CDCA7L: variants seen among roughly 807,000 people sequenced by gnomAD.
The protein encoded by CDCA7L is cell division cycle-associated 7-like protein.
In CDCA7L, 44 loss-of-function variants were observed where a neutral mutation model predicts 57.4. The ratio of observed to expected loss-of-function variants is 0.77; its 90% CI spans 0.60 to 0.98. CDCA7L has a LOEUF of 0.98. Among genes scored for constraint, CDCA7L ranks in the 50% least tolerant of loss-of-function variants. CDCA7L has a pLI of 0.00. For missense variants in CDCA7L, 644 were observed against 580.6 expected (o/e 1.11, Z -1.12); for synonymous variants, 236 against 202.8 (o/e 1.16, Z -1.39).
At chr7:21,904,293 G>C (rs765621493) in intron 7 of CDCA7L, 34 bp from the exon 8 acceptor site, 5 of 1,545,978 alleles carry the variant, frequency 3.2e-6, no homozygotes, top group Non-Finnish European at 4.4e-6. Context: ...GGTGAACACA[G>C]GGATATGCTG....
At chr7:21,920,260 A>T (rs961777101) in intron 1 of CDCA7L, among the ~76,000 whole-genome samples, 2 of 152,224 alleles carry the variant, frequency 1.3e-5, no homozygotes, top group Admixed American at 1.3e-4. Flanking sequence ...CAGGTCCTCC[A>T]TCTCACACTT....
Position 21,902,059 on chromosome 7 carries a change from C to CTTTTTAATAACTGGCAGATAT in CDCA7L, c.*242_*262dup, listed in dbSNP as rs2128054763. The stretch of plus-strand genomic sequence containing the variant: ...TTAACCCCACCCCATTTAAACTGTG[C>CTTTTTAATAACTGGCAGATAT]TTTTTAATAACTGGCAGATATTTTT... On this transcript the variant is annotated 3_prime_UTR_variant, in exon 10 of 10. Coordinates refer to ENST00000406877, the MANE Select transcript of CDCA7L (RefSeq NM_018719.5). 2 of 482,522 alleles carry CTTTTTAATAACTGGCAGATAT rather than the reference C, an allele frequency of 4.1e-6. No individual in the cohort carries two copies. Among genetic ancestry groups the CTTTTTAATAACTGGCAGATAT allele is most frequent in the South Asian group, 3.0e-5 (1 of 33,580 alleles). The allele number at this position is 482,522 out of a possible 1,614,324, so 29.9% of individuals were successfully genotyped here.
Position 21,906,740 on chromosome 7 carries a change from C to A in CDCA7L, c.682-101G>T. 4 of 1,092,294 alleles carry A rather than the reference C, an allele frequency of 3.7e-6. No individual in the cohort carries two copies. The South Asian group carries it at 3.9e-5, about 11-fold the overall frequency. The allele number at this position is 1,092,294 out of a possible 1,614,324, so 67.7% of individuals were successfully genotyped here. ...TCTTCCATTTTGCCACCATAAGAAA[C>A]CTAACTTGAATAGTTTATATAACCC... On this transcript the variant is annotated intron_variant, in intron 4 of 9. Transcript: ENST00000406877.
chr7:21,902,064 T>TAATAACTGGCAGATATTTTTAACA lies in CDCA7L; in HGVS notation c.*234_*257dup. 1 of 490,616 alleles carries TAATAACTGGCAGATATTTTTAACA rather than the reference T, an allele frequency of 2.0e-6. No individual in the cohort carries two copies. The highest frequency in any genetic ancestry group is 3.7e-6 in the Non-Finnish European group (1 of 272,836). The allele number at this position is 490,616 out of a possible 1,614,324, so 30.4% of individuals were successfully genotyped here. The stretch of plus-strand genomic sequence containing the variant: ...CCCACCCCATTTAAACTGTGCTTTT[T>TAATAACTGGCAGATATTTTTAACA]AATAACTGGCAGATATTTTTAACAA... On this transcript the variant is annotated 3_prime_UTR_variant, in exon 10 of 10. Transcript: ENST00000406877.
chr7:21,902,617 C>G (rs906963023), intron 9 of CDCA7L: 1 of 542,870 alleles, frequency 1.8e-6, no homozygotes, highest in Non-Finnish European at 3.3e-6. Context: ...ACATTCTGTC[C>G]TCTTGCCCTG....
In CDCA7L at chr7:21,905,243, A is replaced by T. The variant is rs138542713; in HGVS notation, c.1047+263T>A. The stretch of plus-strand genomic sequence containing the variant: ...ATATGCTTAAACCATTAACAGTTAC[A>T]TATAAAAATCCCTTTTAAACTATAC... On this transcript the variant is annotated intron_variant, in intron 7 of 9. Coordinates refer to ENST00000406877, the MANE Select transcript of CDCA7L (RefSeq NM_018719.5). 5.1e-4 allele frequency among the ~76,000 whole-genome samples: 78 copies of T among 152,212 alleles called. 1 individual carries two copies. Among genetic ancestry groups the T allele is most frequent in the African/African-American group, 1.6e-3 (68 of 41,528 alleles).
chr7:21,918,244 G>C (rs1470761638), intron 1 of CDCA7L, among the ~76,000 whole-genome samples: 1 of 152,194 alleles, frequency 6.6e-6, no homozygotes, highest in Non-Finnish European at 1.5e-5. Flanking sequence ...TAGATGGGAA[G>C]ATATTGTAAT....
At chr7:21,915,757 G>A (rs1785465524) in intron 2 of CDCA7L, among the ~76,000 whole-genome samples, 1 of 152,050 alleles carries the variant, frequency 6.6e-6, no homozygotes, top group African/African-American at 2.4e-5. Context: ...GAACCCGGGA[G>A]GCAGAAGTTG....
chr7:21,936,439 C>T (rs1410810502), intron 1 of CDCA7L, among the ~76,000 whole-genome samples: 1 of 152,078 alleles, frequency 6.6e-6, no homozygotes, highest in African/African-American at 2.4e-5. Flanking sequence ...GCAGGTAAAA[C>T]AAATTCGGCA....
intron 1 of CDCA7L, among the ~76,000 whole-genome samples, chr7:21,931,958 A>G (rs1361146992): frequency 6.6e-6 from 1 of 152,260 alleles, no homozygotes; most frequent in Admixed American, 6.5e-5. Context: ...CAACTTCAGC[A>G]AAGTCTCTGG....
intron 1 of CDCA7L, among the ~76,000 whole-genome samples, chr7:21,937,182 T>C (rs1183869926): frequency 6.6e-6 from 1 of 152,152 alleles, no homozygotes; most frequent in Admixed American, 6.5e-5. Context: ...TGTTCATGGA[T>C]TGGAAGGCTT....
intron 1 of CDCA7L, among the ~76,000 whole-genome samples, 160 bp from the exon 2 acceptor site, chr7:21,917,054 C>T (rs192722116): frequency 7.3e-4 from 111 of 152,222 alleles, no homozygotes; most frequent in African/African-American, 2.6e-3. Context: ...CAGCTAAGAA[C>T]TCATGGCAAA....
rs1439090191 is a variant in CDCA7L at position 21,911,601 on chromosome 7, C to G, written c.303+16G>C. On this transcript the variant is annotated intron_variant, in intron 3 of 9. Coordinates refer to ENST00000406877, the MANE Select transcript of CDCA7L (RefSeq NM_018719.5). ...AAAACGTTACCACCCACATCCCTTC[C>G]TGTTGTAATTATTACCATTACTTCT... The G allele has an allele frequency of 5.6e-6, 9 of 1,604,088 alleles. No homozygotes were observed. The African/African-American group carries it at 1.2e-4, about 22-fold the overall frequency.
At chr7:21,945,555 G>A (rs1456400504) in intron 1 of CDCA7L, among the ~76,000 whole-genome samples, 1 of 152,040 alleles carries the variant, frequency 6.6e-6, no homozygotes, top group Non-Finnish European at 1.5e-5. Context: ...GCTGAGCGCG[G>A]TTGTGTGCTG....
rs569815339 is a variant in CDCA7L at position 21,918,706 on chromosome 7, T to G, written c.25-1812A>C. On this transcript the variant is annotated intron_variant, in intron 1 of 9. Coordinates refer to ENST00000406877, the MANE Select transcript of CDCA7L (RefSeq NM_018719.5). ...GGCTTGCTTTTGCCAAGACTACTTT[T>G]TAGGAAGTGCTATGTTCTTCCTTTG... Among the ~76,000 whole-genome samples the G allele has an allele frequency of 2.4e-4, 36 of 152,340 alleles. No individual in the cohort carries two copies. In the South Asian group the frequency reaches 7.3e-3, roughly 31 times the overall value.
rs182102916 is a variant in CDCA7L, at chr7:21,907,659, T to G, written c.681+471A>C. On this transcript the variant is annotated intron_variant, in intron 4 of 9. Coordinates refer to ENST00000406877, the MANE Select transcript of CDCA7L (RefSeq NM_018719.5). ...TTGAGGTTGTTTTAATTCCTAGACCTCTTCCATTCCTTCAGAAGTCTCAGA... is the reference window on the plus strand; with the variant it reads ...TTGAGGTTGTTTTAATTCCTAGACCGCTTCCATTCCTTCAGAAGTCTCAGA... Among the ~76,000 whole-genome samples, 741 of 152,304 alleles carry G rather than the reference T, an allele frequency of 4.9e-3. 3 individuals are homozygous for G. The highest frequency in any genetic ancestry group is 7.3e-3 in the Non-Finnish European group (498 of 68,020).
chr7:21,921,224 G>A (rs1785639789), intron 1 of CDCA7L, among the ~76,000 whole-genome samples: 1 of 148,222 alleles, frequency 6.7e-6, no homozygotes. Context: ...TACTGATTAG[G>A]AACAAAAGGA....
Position 21,916,861 on chromosome 7 carries a change from G to T in CDCA7L, c.58C>A (p.Pro20Thr). Residue 20 changes from proline to threonine, a missense_variant, in exon 2 of 10, where the codon CCC (proline) becomes ACC (threonine). By Grantham distance (38) the Pro-to-Thr change is conservative (BLOSUM62 -1). Transcript: ENST00000406877. The part of the protein sequence containing the change: ...PKEVADIFNA[P>T]SDDEEFVGFR... ...CCAACAAACTCTTCATCATCACTGGGGGCGTTAAAGATGTCAGCCACTTCT... is the reference window on the plus strand; with the variant it reads ...CCAACAAACTCTTCATCATCACTGGTGGCGTTAAAGATGTCAGCCACTTCT... 1 of 1,614,046 alleles carries T rather than the reference G, an allele frequency of 6.2e-7. No homozygotes were observed. Among genetic ancestry groups the T allele is most frequent in the Non-Finnish European group, 8.5e-7 (1 of 1,179,976 alleles).
intron 1 of CDCA7L, among the ~76,000 whole-genome samples, chr7:21,926,770 G>T (rs1331356846): frequency 6.6e-6 from 1 of 152,198 alleles, no homozygotes; most frequent in Non-Finnish European, 1.5e-5. Flanking sequence ...CTACTTGGGA[G>T]CCTGAGGCAA....
Sources: gnomAD v4.1 joint callset for allele counts (sites outside exome capture counted in the v4.1 genomes callset) on GRCh38, gnomAD v4.1.1 for gene constraint, MANE v1.5 for transcripts, NCBI Gene and HGNC (gene_info 2026-07-23, HGNC 2026-07-21) for gene names.